The following DCDC1 variants were observed in gnomAD, a reference collection of about 807,000 sequenced individuals.
DCDC1 encodes doublecortin domain-containing protein 1.
Under a neutral mutation model 178.3 loss-of-function variants are expected in DCDC1, and 200 were observed. The observed-to-expected ratio is 1.12, with a 90% CI of 1.00 to 1.26. DCDC1 has a LOEUF of 1.26. Ranked by LOEUF, DCDC1 falls within the 50% of genes most tolerant of loss-of-function variation. DCDC1 has a pLI of 0.00. For synonymous variants in DCDC1, 690 were observed against 604.8 expected (o/e 1.14, Z -2.07); for missense variants, 1,983 against 1,749.2 (o/e 1.13, Z -2.38).
At chr11:31,005,619 T>C (rs1951793776) in intron 20 of DCDC1, among the ~76,000 whole-genome samples, 1 of 152,024 alleles carries the variant, frequency 6.6e-6, no homozygotes, top group African/African-American at 2.4e-5. Context: ...AAAGAACCTA[T>C]AGTATATCAA....
chr11:30,964,999 T>G (rs1284540123), intron 20 of DCDC1, among the ~76,000 whole-genome samples: 1 of 152,140 alleles, frequency 6.6e-6, no homozygotes, highest in African/African-American at 2.4e-5. Flanking sequence ...ATAGGCATGG[T>G]AACTTCCAGA....
intron 8 of DCDC1, among the ~76,000 whole-genome samples, chr11:31,242,379 G>A (rs1320646369): frequency 1.3e-5 from 2 of 151,854 alleles, no homozygotes; most frequent in African/African-American, 4.8e-5. Flanking sequence ...GTGTAAAATA[G>A]TCCAATAACA....
intron 9 of DCDC1, among the ~76,000 whole-genome samples, chr11:31,171,631 G>C (rs921423059): frequency 6.6e-5 from 10 of 152,174 alleles, no homozygotes; most frequent in Non-Finnish European, 4.4e-5. Flanking sequence ...TCCTAGAAGA[G>C]ACGATCATTA....
chr11:31,074,894 T>A (rs1956775573), intron 18 of DCDC1, among the ~76,000 whole-genome samples: 1 of 152,084 alleles, frequency 6.6e-6, no homozygotes, highest in African/African-American at 2.4e-5. Context: ...AGAGCCTAAA[T>A]TTTTTTTATA....
chr11:31,026,165 T>A (rs192795920), intron 20 of DCDC1, among the ~76,000 whole-genome samples: 1 of 151,766 alleles, frequency 6.6e-6, no homozygotes, highest in Non-Finnish European at 1.5e-5. Context: ...CATAAAGAGC[T>A]CTGTTATCCC....
intron 8 of DCDC1, among the ~76,000 whole-genome samples, chr11:31,250,421 C>CATATATATATATACACATATAT: frequency 5.7e-5 from 3 of 52,868 alleles, no homozygotes; most frequent in Admixed American, 1.9e-4. Context: ...CACACATATA[C>CATATATATATATACACATATAT]ATATATATGT....
At chr11:30,868,487 G>T (rs192010429) in intron 38 of DCDC1, among the ~76,000 whole-genome samples, 2 of 151,986 alleles carry the variant, frequency 1.3e-5, no homozygotes, top group Admixed American at 6.6e-5. Context: ...CTGACCTCAG[G>T]TGATCCACCC....
At chr11:31,040,590 A>G (rs978838227) in intron 20 of DCDC1, among the ~76,000 whole-genome samples, 3 of 152,338 alleles carry the variant, frequency 2.0e-5, no homozygotes, top group Non-Finnish European at 4.4e-5. Flanking sequence ...AAAAGGTTCA[A>G]ATATTTTCTA....
intron 6 of DCDC1, among the ~76,000 whole-genome samples, chr11:31,296,089 TCAGC>T (rs541393565): frequency 3.2e-4 from 48 of 152,096 alleles, no homozygotes; most frequent in African/African-American, 3.4e-4. Flanking sequence ...AGTCAGTCAG[TCAGC>T]CAGCCAGCCA....
intron 11 of DCDC1, among the ~76,000 whole-genome samples, chr11:31,114,849 A>G (rs1286472710): frequency 6.6e-6 from 1 of 152,180 alleles, no homozygotes; most frequent in East Asian, 1.9e-4. Context: ...AGTAGACTGT[A>G]GGAGGCAAAG....
intron 20 of DCDC1, among the ~76,000 whole-genome samples, chr11:30,986,864 T>A (rs1950679549): frequency 6.6e-6 from 1 of 152,202 alleles, no homozygotes; most frequent in Admixed American, 6.5e-5. Flanking sequence ...GTTCTGCTCA[T>A]GACGTGAACT....
chr11:31,343,290 C>T (rs954922351), intron 1 of DCDC1, among the ~76,000 whole-genome samples: 7 of 152,082 alleles, frequency 4.6e-5, no homozygotes, highest in South Asian at 2.1e-4. Context: ...TGCACTCCAA[C>T]GTGGGTGTCA....
intron 3 of DCDC1, among the ~76,000 whole-genome samples, chr11:31,323,631 T>C (rs1355341652): frequency 2.0e-5 from 3 of 152,114 alleles, no homozygotes; most frequent in Non-Finnish European, 4.4e-5. Context: ...TTGTAAAACT[T>C]ATCTTTATTA....
intron 1 of DCDC1, among the ~76,000 whole-genome samples, chr11:31,341,288 G>T (rs1234034694): frequency 6.6e-6 from 1 of 152,140 alleles, no homozygotes; most frequent in Non-Finnish European, 1.5e-5. Flanking sequence ...GGTCCCAGAA[G>T]AAAGTGATGA....
intron 1 of DCDC1, among the ~76,000 whole-genome samples, chr11:31,366,318 T>A (rs942251922): frequency 6.6e-6 from 1 of 152,222 alleles, no homozygotes; most frequent in Non-Finnish European, 1.5e-5. Flanking sequence ...AACAAAACTA[T>A]TAGAGCTATG....
intron 6 of DCDC1, among the ~76,000 whole-genome samples, chr11:31,291,095 G>C (rs1218502463): frequency 1.3e-5 from 2 of 152,004 alleles, no homozygotes; most frequent in African/African-American, 4.8e-5. Flanking sequence ...GGGTATGAAA[G>C]AGTAATACCA....
intron 14 of DCDC1, among the ~76,000 whole-genome samples, chr11:31,102,543 G>T (rs1237668563): frequency 2.0e-5 from 3 of 152,178 alleles, no homozygotes; most frequent in Admixed American, 1.3e-4. Flanking sequence ...TCATCAGACT[G>T]CTTTTGGTTC....
chr11:30,896,935 T>C (rs1287791781), intron 34 of DCDC1, among the ~76,000 whole-genome samples: 1 of 152,202 alleles, frequency 6.6e-6, no homozygotes, highest in Non-Finnish European at 1.5e-5. Flanking sequence ...TTGTTGCAAT[T>C]ACCAATGGCT....
intron 21 of DCDC1, among the ~76,000 whole-genome samples, chr11:30,948,956 A>C (rs1049343819): frequency 6.6e-6 from 1 of 152,250 alleles, no homozygotes; most frequent in Non-Finnish European, 1.5e-5. Flanking sequence ...AAAAGACTTC[A>C]TGACTAAAAC....
Sources: allele counts gnomAD v4.1 joint callset (sites outside exome capture counted in the v4.1 genomes callset), GRCh38; gene constraint gnomAD v4.1.1; transcripts MANE v1.5; gene names NCBI Gene and HGNC (gene_info 2026-07-23, HGNC 2026-07-21).